SETD3: variants seen among roughly 807,000 people sequenced by gnomAD.
SETD3 encodes SET domain containing 3, actin N3(tau)-histidine methyltransferase, also known as actin-histidine N-methyltransferase.
SETD3 carries 19 observed loss-of-function variants against 63.0 expected under a neutral mutation model. The ratio of observed to expected loss-of-function variants is 0.30; its 90% CI spans 0.21 to 0.44. The LOEUF (loss-of-function observed/expected upper bound fraction) is 0.44, where lower values mean the gene tolerates loss of function less well. Ranked by LOEUF, SETD3 falls within the 20% of genes least tolerant of loss-of-function variation. The probability of loss-of-function intolerance (pLI) is 1.00; values close to 1 mark genes in which losing one functional copy is unlikely to be tolerated. For synonymous variants in SETD3, 286 were observed against 264.1 expected (o/e 1.08, Z -0.80); for missense variants, 587 against 728.5 (o/e 0.81, Z 2.24).
upstream of SETD3, chr14:99,481,243 G>A (rs1896300962): frequency 5.1e-6 from 2 of 395,246 alleles, no homozygotes; most frequent in Non-Finnish European, 8.9e-6. Flanking sequence ...TCCTCCCTCT[G>A]TAAGCAGCAG....
intron 6 of SETD3, among the ~76,000 whole-genome samples, chr14:99,450,709 C>G (rs1352349303): frequency 6.6e-6 from 1 of 152,212 alleles, no homozygotes; most frequent in Non-Finnish European, 1.5e-5. Context: ...ATCTCCATAC[C>G]TTCCCCTGCA....
At chr14:99,480,361 G>A (rs1016650130) in intron 1 of SETD3, among the ~76,000 whole-genome samples, 1 of 151,946 alleles carries the variant, frequency 6.6e-6, no homozygotes, top group Non-Finnish European at 1.5e-5. Context: ...AGCGGGGCAA[G>A]CTCGGGGAGA....
At chr14:99,479,570 T>C (rs1950599) in intron 1 of SETD3, among the ~76,000 whole-genome samples, 38,371 of 152,172 alleles carry the variant, frequency 0.25, 5,637 homozygotes, top group Non-Finnish European at 0.34. Flanking sequence ...TTTGAAATAC[T>C]GGCAAGGTCA....
chr14:99,406,694 A>C (rs1453671120), intron 8 of SETD3, 104 bp from the exon 9 acceptor site: 4 of 1,136,344 alleles, frequency 3.5e-6, no homozygotes, highest in Non-Finnish European at 5.2e-6. Flanking sequence ...GGGGATCCCA[A>C]GGTACTCAAA....
intron 6 of SETD3, among the ~76,000 whole-genome samples, chr14:99,414,190 G>A (rs1210625775): frequency 3.9e-5 from 6 of 152,210 alleles, no homozygotes; most frequent in Non-Finnish European, 8.8e-5. Flanking sequence ...CACAGACAAC[G>A]CGCAAAACAC....
At position 99,480,752 on chromosome 14, in the gene SETD3, G is replaced by A. The variant is rs1251566921; in HGVS notation, c.-33C>T. ...CCTGCCCGCTTCCCCTAGCGCAGCGGGAACGACGTACTCCGGCCCGGACCC... is the reference window on the plus strand; with the variant it reads ...CCTGCCCGCTTCCCCTAGCGCAGCGAGAACGACGTACTCCGGCCCGGACCC... On this transcript the variant is annotated 5_prime_UTR_variant, in exon 1 of 13. Transcript: ENST00000331768. The A allele has an allele frequency of 6.6e-6, 1 of 151,836 alleles. No homozygotes were observed. 9.4% of individuals were successfully genotyped at this position (151,836 alleles called of 1,614,324 possible). A position where few individuals can be genotyped will look rare whatever the true frequency, so the allele number is the denominator to read the frequency against.
At chr14:99,478,392 G>C (rs1177632584) in intron 1 of SETD3, among the ~76,000 whole-genome samples, 1 of 152,150 alleles carries the variant, frequency 6.6e-6, no homozygotes, top group African/African-American at 2.4e-5. Context: ...CCAGGGAACA[G>C]GCAAACCAGT....
intron 6 of SETD3, among the ~76,000 whole-genome samples, chr14:99,422,037 T>C (rs1337807813): frequency 6.6e-6 from 1 of 152,186 alleles, no homozygotes; most frequent in African/African-American, 2.4e-5. Flanking sequence ...TTAGCAAAAC[T>C]AAGACAGTGA....
At chr14:99,411,715 A>G (rs1892002228) in intron 8 of SETD3, 1 of 152,030 alleles carries the variant, frequency 6.6e-6, no homozygotes, top group African/African-American at 2.4e-5. Flanking sequence ...TCAATTTAAA[A>G]TAACTCTGAA....
intron 6 of SETD3, among the ~76,000 whole-genome samples, chr14:99,433,565 G>A (rs1477497818): frequency 6.6e-6 from 1 of 151,996 alleles, no homozygotes; most frequent in African/African-American, 2.4e-5. Context: ...AGCCTTCCAA[G>A]TAGCTGAGAC....
rs760245719 is a variant in SETD3 at position 99,465,840 on chromosome 14, A to G, written c.-8-27T>C. The stretch of plus-strand genomic sequence containing the variant: ...TACAGAGAAGAGAAAGAAAAGAGAA[A>G]AAAATTACATTACCAAAGAACAAAA... On this transcript the variant is annotated intron_variant, in intron 1 of 12. Coordinates refer to ENST00000331768, the MANE Select transcript of SETD3 (RefSeq NM_032233.3). 3.3e-6 allele frequency: 5 copies of G among 1,493,042 alleles called. No individual in the cohort carries two copies. The South Asian group carries it at 4.6e-5, about 14-fold the overall frequency. 92.5% of individuals were successfully genotyped at this position (1,493,042 alleles called of 1,614,324 possible).
chr14:99,485,213 A>C (rs1394197330), upstream of SETD3, among the ~76,000 whole-genome samples: 1 of 152,224 alleles, frequency 6.6e-6, no homozygotes, highest in African/African-American at 2.4e-5. Context: ...GAGTTTGGCC[A>C]GTTACAGAAG....
At chr14:99,440,516 A>G (rs1252964033) in intron 6 of SETD3, among the ~76,000 whole-genome samples, 5 of 152,158 alleles carry the variant, frequency 3.3e-5, no homozygotes, top group African/African-American at 1.2e-4. Context: ...CATCATGCGC[A>G]GGGGAGGGCG....
At chr14:99,427,237 A>G (rs1223390912) in intron 6 of SETD3, among the ~76,000 whole-genome samples, 1 of 152,258 alleles carries the variant, frequency 6.6e-6, no homozygotes, top group Non-Finnish European at 1.5e-5. Flanking sequence ...ATTACGAAAC[A>G]GACAACTTCT....
chr14:99,404,269 G>C lies in SETD3; in HGVS notation c.1133C>G (p.Ser378Cys). The C allele has an allele frequency of 6.2e-7, 1 of 1,614,176 alleles. No homozygotes were observed. The highest frequency in any genetic ancestry group is 1.1e-5 in the South Asian group (1 of 91,080). ...FALHFTEPPI[S>C]AQLLAFLRVF... The stretch of plus-strand genomic sequence containing the variant: ...TCGGAGAAAAGCCAAAAGCTGAGCA[G>C]AGATGGGCGGCTCGGTAAAATGCAA... Residue 378 changes from serine to cysteine, a missense_variant, in exon 11 of 13, where the codon TCT becomes TGT. By Grantham distance (112) the Ser-to-Cys change is moderately radical (BLOSUM62 -1). Transcript: ENST00000331768.
chr14:99,405,489 T>C, intron 9 of SETD3, 118 bp from the exon 10 acceptor site: 1 of 1,078,640 alleles, frequency 9.3e-7, no homozygotes, highest in Non-Finnish European at 1.3e-6. Context: ...TAGCTGAAAG[T>C]ATTGATACAC....
rs1895011743 is a variant in SETD3, at chr14:99,460,534, T to C, written c.345+658A>G. On this transcript the variant is annotated intron_variant, in intron 4 of 12. Transcript: ENST00000331768. ...AATGCATACGGGCAACTAGCTCCCA[T>C]CGAGAAAAAGGCCAAGTCCAGTTCC... 2.6e-5 allele frequency among the ~76,000 whole-genome samples: 4 copies of C among 151,618 alleles called. No individual in the cohort carries two copies. In the South Asian group the frequency reaches 8.4e-4, roughly 32 times the overall value.
chr14:99,413,353 A>T (rs916735747), intron 7 of SETD3: 5 of 327,078 alleles, frequency 1.5e-5, no homozygotes, highest in African/African-American at 6.5e-5. Flanking sequence ...TTCGTGACTC[A>T]CAAAATCCAC....
intron 6 of SETD3, among the ~76,000 whole-genome samples, chr14:99,433,422 A>T (rs527371105): frequency 6.6e-6 from 1 of 152,216 alleles, no homozygotes; most frequent in South Asian, 2.1e-4. Flanking sequence ...ATCTTGAGTT[A>T]AAAAATATAT....
Sources: gnomAD v4.1 joint callset for allele counts (sites outside exome capture counted in the v4.1 genomes callset) on GRCh38, gnomAD v4.1.1 for gene constraint, MANE v1.5 for transcripts, NCBI Gene and HGNC (gene_info 2026-07-23, HGNC 2026-07-21) for gene names.